Variants in LRRTM4 observed in about 807,000 individuals in gnomAD.
The protein encoded by LRRTM4 is leucine-rich repeat transmembrane neuronal protein 4.
In LRRTM4, 25 loss-of-function variants were observed where a neutral mutation model predicts 47.6. The observed-to-expected ratio is 0.53, with a 90% CI of 0.38 to 0.73. The LOEUF (loss-of-function observed/expected upper bound fraction) is 0.73, where lower values mean the gene tolerates loss of function less well. Ranked by LOEUF, LRRTM4 falls within the 30% of genes least tolerant of loss-of-function variation. LRRTM4 has a pLI of 0.00. For missense variants in LRRTM4, 638 were observed against 713.4 expected (o/e 0.89, Z 1.20); for synonymous variants, 311 against 269.5 (o/e 1.15, Z -1.51).
At chr2:77,407,211 A>G (rs1476329311) in intron 3 of LRRTM4, among the ~76,000 whole-genome samples, 1 of 152,154 alleles carries the variant, frequency 6.6e-6, no homozygotes, top group East Asian at 1.9e-4. Context: ...CCATGTGCTC[A>G]TTTGAAAACA....
intron 3 of LRRTM4, among the ~76,000 whole-genome samples, chr2:77,169,998 T>G (rs182634809): frequency 1.6e-4 from 24 of 152,292 alleles, no homozygotes; most frequent in Admixed American, 8.5e-4. Flanking sequence ...CTGTGTGAAT[T>G]CATTGAGTTT....
intron 3 of LRRTM4, among the ~76,000 whole-genome samples, chr2:77,418,273 G>A (rs2103875496): frequency 6.6e-6 from 1 of 152,218 alleles, no homozygotes; most frequent in African/African-American, 2.4e-5. Flanking sequence ...TATTCCTGAT[G>A]ACTTCTAAAA....
chr2:77,452,397 C>G (rs148930402), intron 3 of LRRTM4, among the ~76,000 whole-genome samples: 2 of 152,076 alleles, frequency 1.3e-5, no homozygotes, highest in Admixed American at 1.3e-4. Context: ...TGTTGAGGGT[C>G]TTAAGAATGA....
intron 3 of LRRTM4, among the ~76,000 whole-genome samples, chr2:76,831,995 C>G (rs1414500953): frequency 6.6e-6 from 1 of 152,050 alleles, no homozygotes; most frequent in Non-Finnish European, 1.5e-5. Context: ...CATTGTTATA[C>G]TGATTGTTAA....
intron 3 of LRRTM4, among the ~76,000 whole-genome samples, chr2:77,027,710 T>C (rs138857101): frequency 2.1e-3 from 324 of 152,312 alleles, no homozygotes; most frequent in African/African-American, 7.5e-3. Context: ...TAATCTTTTA[T>C]TGACTGTTTG....
At chr2:77,297,960 A>G (rs1677018897) in intron 3 of LRRTM4, among the ~76,000 whole-genome samples, 1 of 152,200 alleles carries the variant, frequency 6.6e-6, no homozygotes, top group Admixed American at 6.5e-5. Flanking sequence ...AAGAAAATTT[A>G]TATGATGTAA....
At chr2:77,235,576 T>A (rs1212910491) in intron 3 of LRRTM4, among the ~76,000 whole-genome samples, 1 of 152,114 alleles carries the variant, frequency 6.6e-6, no homozygotes, top group Non-Finnish European at 1.5e-5. Flanking sequence ...GACATAGTCA[T>A]AACTGATTTT....
intron 3 of LRRTM4, among the ~76,000 whole-genome samples, chr2:77,221,864 C>T (rs1316897955): frequency 6.6e-6 from 1 of 152,164 alleles, no homozygotes; most frequent in Non-Finnish European, 1.5e-5. Context: ...ACCTAATAGA[C>T]ATCTACAGAA....
chr2:77,111,283 ATT>A (rs71381260), intron 3 of LRRTM4, among the ~76,000 whole-genome samples: 74 of 113,110 alleles, frequency 6.5e-4, no homozygotes, highest in African/African-American at 2.4e-3. Context: ...ACACCTGGCT[ATT>A]TTTTTTTTTT....
At chr2:77,087,808 ATTAT>A (rs1476740357) in intron 3 of LRRTM4, among the ~76,000 whole-genome samples, 2 of 152,224 alleles carry the variant, frequency 1.3e-5, no homozygotes, top group African/African-American at 2.4e-5. Context: ...AAAGAAAAAT[ATTAT>A]TTAAGAAGAG....
At chr2:77,059,463 T>TC (rs1358332760) in intron 3 of LRRTM4, among the ~76,000 whole-genome samples, 5 of 144,424 alleles carry the variant, frequency 3.5e-5, no homozygotes, top group African/African-American at 1.4e-4. Context: ...TGGCCTAGAG[T>TC]CAACACAAGC....
intron 3 of LRRTM4, among the ~76,000 whole-genome samples, chr2:77,083,432 T>A (rs1318126005): frequency 2.0e-5 from 3 of 152,134 alleles, no homozygotes; most frequent in Non-Finnish European, 4.4e-5. Context: ...TCAGAACTTG[T>A]AGTCAATAAA....
intron 3 of LRRTM4, among the ~76,000 whole-genome samples, chr2:77,183,759 G>A (rs1164407325): frequency 1.3e-5 from 2 of 152,082 alleles, no homozygotes; most frequent in Non-Finnish European, 2.9e-5. Context: ...CCATAAAAAA[G>A]CAATGAGTTC....
At chr2:77,301,558 C>T (rs1307987916) in intron 3 of LRRTM4, among the ~76,000 whole-genome samples, 1 of 151,934 alleles carries the variant, frequency 6.6e-6, no homozygotes, top group African/African-American at 2.4e-5. Context: ...TTTATTAACA[C>T]AACTTGATAA....
At chr2:76,762,074 G>T (rs559585383) in intron 3 of LRRTM4, among the ~76,000 whole-genome samples, 1 of 152,050 alleles carries the variant, frequency 6.6e-6, no homozygotes, top group East Asian at 1.9e-4. Context: ...AACTACAGCC[G>T]CTACCCATGC....
chr2:77,072,554 T>C (rs965597231), intron 3 of LRRTM4, among the ~76,000 whole-genome samples: 1 of 151,970 alleles, frequency 6.6e-6, no homozygotes, highest in Admixed American at 6.6e-5. Context: ...TCCCAGCACT[T>C]AGGGAGACTG....
chr2:76,994,986 A>G (rs1490821215), intron 3 of LRRTM4, among the ~76,000 whole-genome samples: 1 of 152,010 alleles, frequency 6.6e-6, no homozygotes, highest in Non-Finnish European at 1.5e-5. Context: ...CTAAATCAAG[A>G]GGAAAGTTCC....
At chr2:76,892,548 AT>A (rs568828260) in intron 3 of LRRTM4, among the ~76,000 whole-genome samples, 2 of 151,332 alleles carry the variant, frequency 1.3e-5, no homozygotes, top group Non-Finnish European at 3.0e-5. Context: ...GTAAACTGCA[AT>A]TTTTTTTGGC....
chr2:77,480,117 T>A (rs1558763049), intron 3 of LRRTM4, among the ~76,000 whole-genome samples: 1 of 152,096 alleles, frequency 6.6e-6, no homozygotes, highest in Non-Finnish European at 1.5e-5. Flanking sequence ...CAGAGAGAGA[T>A]GGGGTCTGAC....
Sources: gnomAD v4.1 joint callset for allele counts (sites outside exome capture counted in the v4.1 genomes callset) on GRCh38, gnomAD v4.1.1 for gene constraint, MANE v1.5 for transcripts, NCBI Gene and HGNC (gene_info 2026-07-23, HGNC 2026-07-21) for gene names.